Variants in KCNAB1 observed in about 807,000 individuals in gnomAD.
KCNAB1 encodes the protein voltage-gated potassium channel subunit beta-1.
Under a neutral mutation model 64.6 loss-of-function variants are expected in KCNAB1, and 35 were observed. The ratio of observed to expected loss-of-function variants is 0.54; its 90% CI spans 0.41 to 0.72. The LOEUF (loss-of-function observed/expected upper bound fraction) is 0.72. Among genes scored for constraint, KCNAB1 ranks in the 30% least tolerant of loss-of-function variants. The probability of loss-of-function intolerance (pLI) is 0.00; values close to 1 mark genes in which losing one functional copy is unlikely to be tolerated. For missense variants in KCNAB1, 401 were observed against 512.9 expected (o/e 0.78, Z 2.11); for synonymous variants, 177 against 183.8 (o/e 0.96, Z 0.30).
intron 1 of KCNAB1, among the ~76,000 whole-genome samples, chr3:156,403,892 TA>T (rs200824639): frequency 5.3e-4 from 73 of 136,770 alleles, no homozygotes; most frequent in Admixed American, 5.8e-4. Context: ...AGACTCTGCC[TA>T]AAAAAAAAAA....
At chr3:156,501,066 C>T (rs1716367552) in intron 8 of KCNAB1, among the ~76,000 whole-genome samples, 1 of 152,172 alleles carries the variant, frequency 6.6e-6, no homozygotes, top group Non-Finnish European at 1.5e-5. Context: ...TCATCTGCTC[C>T]TTTGATTTCT....
At chr3:156,497,808 G>A (rs528606209) in intron 8 of KCNAB1, among the ~76,000 whole-genome samples, 12 of 152,302 alleles carry the variant, frequency 7.9e-5, no homozygotes, top group African/African-American at 2.9e-4. Flanking sequence ...TGAGTATGTT[G>A]CCTAATACAT....
intron 12 of KCNAB1, among the ~76,000 whole-genome samples, chr3:156,526,171 G>C (rs1283797816): frequency 6.6e-6 from 1 of 152,126 alleles, no homozygotes; most frequent in Admixed American, 6.5e-5. Flanking sequence ...GTACAGATTT[G>C]GAACCTAGGA....
chr3:156,431,988 G>A lies in KCNAB1; in HGVS notation c.319+10329G>A, dbSNP rs115044901. Among the ~76,000 whole-genome samples the A allele has an allele frequency of 2.4e-3, 371 of 152,238 alleles. 4 individuals carry two copies. Among genetic ancestry groups the A allele is most frequent in the African/African-American group, 8.6e-3 (359 of 41,536 alleles). ...AAGACCCACCCTGACACTGGGGAAG[G>A]GTACTTTAAATCCATCCAAACTGCA... On this transcript the variant is annotated intron_variant, in intron 2 of 13. Coordinates refer to ENST00000490337, the MANE Select transcript of KCNAB1 (RefSeq NM_172160.3).
chr3:156,325,778 C>A (rs1362416811), intron 1 of KCNAB1, among the ~76,000 whole-genome samples: 2 of 151,876 alleles, frequency 1.3e-5, no homozygotes, highest in African/African-American at 2.4e-5. Flanking sequence ...TATAGCAAGA[C>A]CTTGTTCTCC....
At position 156,228,125 on chromosome 3, in the gene KCNAB1, C is replaced by G. The variant is rs142104703; in HGVS notation, c.275+107239C>G. Among the ~76,000 whole-genome samples the G allele has an allele frequency of 9.0e-3, 1,373 of 152,136 alleles. 33 individuals are homozygous for G. Among genetic ancestry groups the G allele is most frequent in the African/African-American group, 0.031 (1,272 of 41,510 alleles). On this transcript the variant is annotated intron_variant, in intron 1 of 13. Coordinates refer to ENST00000490337, the MANE Select transcript of KCNAB1 (RefSeq NM_172160.3). ...GTACCAAATTGGTTCAATTCCATTC[C>G]TCTGTTCATTCATTCCATTCCACAC...
At position 156,231,321 on chromosome 3, in the gene KCNAB1, T is replaced by G. The variant is rs185207049; in HGVS notation, c.275+110435T>G. 1.0e-3 allele frequency among the ~76,000 whole-genome samples: 154 copies of G among 152,284 alleles called. 1 individual carries two copies. Among genetic ancestry groups the G allele is most frequent in the African/African-American group, 3.6e-3 (148 of 41,554 alleles). On this transcript the variant is annotated intron_variant, in intron 1 of 13. Coordinates refer to ENST00000490337, the MANE Select transcript of KCNAB1 (RefSeq NM_172160.3). ...CAGATGGGTTTTATTTGACTCTGTATATCATGACTTACTTTCCAATCTGAC... is the reference window on the plus strand; with the variant it reads ...CAGATGGGTTTTATTTGACTCTGTAGATCATGACTTACTTTCCAATCTGAC...
At chr3:156,194,748 C>G (rs777763541) in intron 1 of KCNAB1, among the ~76,000 whole-genome samples, 3 of 152,106 alleles carry the variant, frequency 2.0e-5, no homozygotes, top group Non-Finnish European at 4.4e-5. Context: ...CGCTTATGCT[C>G]TGTGCATTCA....
chr3:156,421,798 C>A, intron 2 of KCNAB1, 139 bp downstream of exon 2: 1 of 665,396 alleles, frequency 1.5e-6, no homozygotes, highest in Non-Finnish European at 2.6e-6. Flanking sequence ...CCCACTTCTC[C>A]TTTGAGCCTT....
chr3:156,255,097 T>TG (rs1184823811), intron 1 of KCNAB1, among the ~76,000 whole-genome samples: 1 of 152,178 alleles, frequency 6.6e-6, no homozygotes, highest in Non-Finnish European at 1.5e-5. Flanking sequence ...GCCCATTAGT[T>TG]GGAGGGCCTT....
chr3:156,267,062 G>A (rs1461019151), intron 1 of KCNAB1, among the ~76,000 whole-genome samples: 3 of 151,824 alleles, frequency 2.0e-5, no homozygotes, highest in Admixed American at 6.6e-5. Context: ...CAAAATAAAG[G>A]CACTAAAAAT....
chr3:156,125,435 C>G (rs1713599534), intron 1 of KCNAB1, among the ~76,000 whole-genome samples: 1 of 152,168 alleles, frequency 6.6e-6, no homozygotes, highest in Admixed American at 6.5e-5. Flanking sequence ...GGATACCACC[C>G]TCCTGAGGAA....
chr3:156,150,706 C>T (rs1419501462), intron 1 of KCNAB1, among the ~76,000 whole-genome samples: 1 of 152,156 alleles, frequency 6.6e-6, no homozygotes. Flanking sequence ...CTTCTGTTGC[C>T]TGAAACGCTG....
At chr3:156,486,991 T>G (rs888432535) in intron 8 of KCNAB1, among the ~76,000 whole-genome samples, 1 of 152,102 alleles carries the variant, frequency 6.6e-6, no homozygotes, top group Non-Finnish European at 1.5e-5. Context: ...CAGTAGGAGA[T>G]TTAAAAAAAT....
intron 11 of KCNAB1, among the ~76,000 whole-genome samples, chr3:156,518,476 AAAAG>A (rs1213884010): frequency 3.4e-4 from 52 of 152,052 alleles, no homozygotes; most frequent in Non-Finnish European, 3.7e-4. Flanking sequence ...AAAAGAAAAG[AAAAG>A]AAAGAAGGAA....
chr3:156,418,270 T>C (rs1715227150), intron 1 of KCNAB1, among the ~76,000 whole-genome samples: 1 of 152,204 alleles, frequency 6.6e-6, no homozygotes, highest in Non-Finnish European at 1.5e-5. Flanking sequence ...TCATATAAAG[T>C]TGTTTTTCTG....
intron 8 of KCNAB1, among the ~76,000 whole-genome samples, chr3:156,487,056 A>C (rs1350526766): frequency 6.6e-6 from 1 of 152,162 alleles, no homozygotes; most frequent in Non-Finnish European, 1.5e-5. Context: ...TTAAATACCT[A>C]AGTTTAAATC....
chr3:156,480,333 A>G (rs1714695592), intron 8 of KCNAB1, among the ~76,000 whole-genome samples: 1 of 152,094 alleles, frequency 6.6e-6, no homozygotes, highest in African/African-American at 2.4e-5. Context: ...CTACATCATT[A>G]AAAAAGTAAA....
intron 1 of KCNAB1, among the ~76,000 whole-genome samples, chr3:156,257,397 C>A (rs1718156606): frequency 6.6e-6 from 1 of 152,060 alleles, no homozygotes; most frequent in South Asian, 2.1e-4. Flanking sequence ...AAAATTTCTC[C>A]TTTAAAAAGA....
Sources: allele counts gnomAD v4.1 joint callset (sites outside exome capture counted in the v4.1 genomes callset), GRCh38; gene constraint gnomAD v4.1.1; transcripts MANE v1.5; gene names NCBI Gene and HGNC (gene_info 2026-07-23, HGNC 2026-07-21).